Variants in RBFOX1 observed in about 807,000 individuals in gnomAD.
The protein encoded by RBFOX1 is RNA binding fox-1 homolog 1, also known as RNA binding protein fox-1 homolog 1.
RBFOX1 carries 8 observed loss-of-function variants against 57.7 expected under a neutral mutation model. The ratio of observed to expected loss-of-function variants is 0.14; its 90% CI spans 0.08 to 0.25. The LOEUF is 0.25. Among genes scored for constraint, RBFOX1 ranks in the 10% least tolerant of loss-of-function variants. The probability of loss-of-function intolerance (pLI) is 1.00; values close to 1 mark genes in which losing one functional copy is unlikely to be tolerated. For synonymous variants in RBFOX1, 326 were observed against 222.4 expected, an observed-to-expected ratio of 1.47 and a Z score of -4.15; for missense variants, 611 against 548.5, an observed-to-expected ratio of 1.11 and a Z score of -1.14.
chr16:6,643,192 A>G (rs2098506437), intron 2 of RBFOX1, among the ~76,000 whole-genome samples: 2 of 152,314 alleles, frequency 1.3e-5, no homozygotes, highest in East Asian at 3.9e-4. Flanking sequence ...GAGAAATTTA[A>G]AAAGTTTACG....
At chr16:5,895,149 A>G (rs1025705507) in intron 4 of RBFOX1, among the ~76,000 whole-genome samples, 4 of 152,260 alleles carry the variant, frequency 2.6e-5, no homozygotes, top group African/African-American at 7.2e-5. Flanking sequence ...GTCTTCAACC[A>G]TAAGATTGTC....
intron 3 of RBFOX1, among the ~76,000 whole-genome samples, chr16:5,692,899 C>A (rs1172615044): frequency 6.6e-6 from 1 of 152,230 alleles, no homozygotes. Flanking sequence ...AGACATGGCA[C>A]ATGCAGCTTA....
intron 3 of RBFOX1, among the ~76,000 whole-genome samples, chr16:5,827,654 G>A (rs986748400): frequency 3.3e-5 from 5 of 152,132 alleles, no homozygotes; most frequent in African/African-American, 1.2e-4. Flanking sequence ...AGAAATGGCT[G>A]CAGCTGTTTT....
intron 3 of RBFOX1, among the ~76,000 whole-genome samples, chr16:6,999,220 T>TA (rs369064619): frequency 0.16 from 20,650 of 128,376 alleles, 1,952 homozygotes; most frequent in Middle Eastern, 0.29. Flanking sequence ...TTATTTATTT[T>TA]TTTTATTTAT....
chr16:6,499,897 G>C (rs909700530), intron 2 of RBFOX1, among the ~76,000 whole-genome samples: 1 of 152,182 alleles, frequency 6.6e-6, no homozygotes, highest in Non-Finnish European at 1.5e-5. Context: ...CGGGTAAAAG[G>C]ATGTGGTAAG....
At chr16:6,064,278 T>C (rs1230224593) in intron 1 of RBFOX1, among the ~76,000 whole-genome samples, 1 of 152,218 alleles carries the variant, frequency 6.6e-6, no homozygotes, top group Non-Finnish European at 1.5e-5. Context: ...CCTCCATGAA[T>C]ATAATTTTAG....
intron 1 of RBFOX1, among the ~76,000 whole-genome samples, chr16:5,329,521 A>G (rs1250133172): frequency 2.6e-5 from 4 of 152,228 alleles, no homozygotes; most frequent in African/African-American, 4.8e-5. Flanking sequence ...ACAATTTGAC[A>G]TGAGATTTGG....
At chr16:6,555,952 C>T (rs758445742) in intron 2 of RBFOX1, among the ~76,000 whole-genome samples, 8 of 152,124 alleles carry the variant, frequency 5.3e-5, no homozygotes, top group Non-Finnish European at 1.2e-4. Flanking sequence ...CGACTCTATT[C>T]TGGCATTATT....
chr16:7,578,708 C>G (rs1384361024), intron 5 of RBFOX1, among the ~76,000 whole-genome samples: 3 of 152,176 alleles, frequency 2.0e-5, no homozygotes, highest in Non-Finnish European at 4.4e-5. Context: ...AGCTTTCTAT[C>G]ATAGTTTCAA....
At chr16:7,536,342 C>T (rs962418224) in intron 5 of RBFOX1, among the ~76,000 whole-genome samples, 3 of 152,156 alleles carry the variant, frequency 2.0e-5, no homozygotes, top group Middle Eastern at 3.2e-3. Context: ...GCCTGTATTC[C>T]CAGTACTTTG....
intron 1 of RBFOX1, among the ~76,000 whole-genome samples, chr16:6,283,409 T>G (rs944330073): frequency 6.6e-6 from 1 of 152,212 alleles, no homozygotes; most frequent in African/African-American, 2.4e-5. Flanking sequence ...GGCTAAATTT[T>G]TATTTATTCT....
chr16:5,757,615 C>G (rs996109136), intron 3 of RBFOX1, among the ~76,000 whole-genome samples: 3 of 152,048 alleles, frequency 2.0e-5, no homozygotes, highest in East Asian at 1.9e-4. Context: ...CACAGAGAGA[C>G]CAGGAAATGT....
chr16:6,403,281 T>G (rs1408270047), intron 2 of RBFOX1, among the ~76,000 whole-genome samples: 1 of 152,192 alleles, frequency 6.6e-6, no homozygotes, highest in Non-Finnish European at 1.5e-5. Flanking sequence ...ACTCCAGCTG[T>G]CTAAACCAGA....
chr16:7,496,241 C>G (rs995854198), intron 4 of RBFOX1, among the ~76,000 whole-genome samples: 5 of 152,204 alleles, frequency 3.3e-5, no homozygotes, highest in African/African-American at 1.2e-4. Context: ...TCTCCCAGTT[C>G]AAGTGATTCT....
intron 3 of RBFOX1, among the ~76,000 whole-genome samples, chr16:6,813,122 C>G (rs1761461237): frequency 6.6e-6 from 1 of 150,916 alleles, no homozygotes; most frequent in Non-Finnish European, 1.5e-5. Context: ...AAAAGTGCAA[C>G]CTAAGTTTTC....
chr16:6,238,945 AT>A (rs2097525490), intron 1 of RBFOX1, among the ~76,000 whole-genome samples: 1 of 152,006 alleles, frequency 6.6e-6, no homozygotes, highest in African/African-American at 2.4e-5. Flanking sequence ...CCGTTAACTT[AT>A]TTTTGACCAT....
At chr16:7,672,085 A>G (rs2071639893) in intron 13 of RBFOX1, among the ~76,000 whole-genome samples, 1 of 152,204 alleles carries the variant, frequency 6.6e-6, no homozygotes, top group African/African-American at 2.4e-5. Context: ...AAGGGCCAGC[A>G]TACCTGACAT....
chr16:7,267,398 T>G (rs774820501), intron 4 of RBFOX1, among the ~76,000 whole-genome samples: 3 of 150,314 alleles, frequency 2.0e-5, no homozygotes, highest in East Asian at 3.9e-4. Flanking sequence ...TAGTCAGATG[T>G]GGTGGTGTGC....
At chr16:7,474,660 T>G (rs1298946454) in intron 4 of RBFOX1, among the ~76,000 whole-genome samples, 3 of 152,254 alleles carry the variant, frequency 2.0e-5, no homozygotes, top group Non-Finnish European at 1.5e-5. Context: ...TTTCATCCCT[T>G]ATTACTTGTG....
Sources: gnomAD v4.1 joint callset for allele counts (sites outside exome capture counted in the v4.1 genomes callset) on GRCh38, gnomAD v4.1.1 for gene constraint, MANE v1.5 for transcripts, NCBI Gene and HGNC (gene_info 2026-07-23, HGNC 2026-07-21) for gene names.